NDUFA9: variants seen among roughly 807,000 people sequenced by gnomAD.
NDUFA9 encodes NADH:ubiquinone oxidoreductase subunit A9.
A neutral mutation model predicts 45.9 loss-of-function variants in NDUFA9; 23 were observed. The ratio of observed to expected loss-of-function variants is 0.50; its 90% CI spans 0.36 to 0.71. The LOEUF is 0.71. Ranked by LOEUF, NDUFA9 falls within the 30% of genes least tolerant of loss-of-function variation. The pLI is 0.00. For synonymous variants in NDUFA9, 176 were observed against 170.5 expected, an observed-to-expected ratio of 1.03 and a Z score of -0.25; for missense variants, 466 against 488.2, an observed-to-expected ratio of 0.95 and a Z score of 0.43.
chr12:4,662,406 C>A, intron 5 of NDUFA9, 127 bp from the exon 6 acceptor site: 1 of 699,084 alleles, frequency 1.4e-6, no homozygotes, highest in Non-Finnish European at 2.5e-6. Context: ...TTATGAATTA[C>A]ATGATTACCT....
At position 4,668,509 on chromosome 12, in the gene NDUFA9, T is replaced by G. The variant is rs2072728708; in HGVS notation, c.708T>G (p.Val236=). 6.2e-7 allele frequency: 1 copy of G among 1,612,342 alleles called. No homozygotes were observed. The highest frequency in any genetic ancestry group is 8.5e-7 in the Non-Finnish European group (1 of 1,178,384). Residue 236 remains valine (V), a synonymous_variant, in exon 7 of 11, where the codon GTT becomes GTG. Transcript: ENST00000266544. ...TTGGTTCCTTGGGCTGGAAGACAGT[T>G]AAACAACCAGTATATGTAAGTACTT... is the stretch of plus-strand genomic sequence containing the variant. The part of the protein sequence containing the change: ...IPLGSLGWKT[V]KQPVYVVDVS...
In NDUFA9 at chr12:4,687,744, A is replaced by T. The variant is rs1387986135; in HGVS notation, c.*636A>T. On this transcript the variant is annotated 3_prime_UTR_variant, in exon 11 of 11. Coordinates refer to ENST00000266544, the MANE Select transcript of NDUFA9 (RefSeq NM_005002.5). ...TAGATTCTCTTCACATGCAAAGGAGATGCTTCAGCTTCTATGCCAGCAGTG... is the reference window on the plus strand; with the variant it reads ...TAGATTCTCTTCACATGCAAAGGAGTTGCTTCAGCTTCTATGCCAGCAGTG... 1 of 152,196 alleles carries T rather than the reference A, an allele frequency of 6.6e-6. No individual in the cohort carries two copies. Among genetic ancestry groups the T allele is most frequent in the Non-Finnish European group, 1.5e-5 (1 of 68,046 alleles). 9.4% of individuals were successfully genotyped at this position (152,196 alleles called of 1,614,324 possible).
At chr12:4,663,447 A>G (rs1945835394) in intron 6 of NDUFA9, among the ~76,000 whole-genome samples, 1 of 152,192 alleles carries the variant, frequency 6.6e-6, no homozygotes, top group African/African-American at 2.4e-5. Context: ...TTGAGGTTAA[A>G]TGAGGCCATA....
At chr12:4,663,798 G>A (rs986903045) in intron 6 of NDUFA9, among the ~76,000 whole-genome samples, 3 of 152,180 alleles carry the variant, frequency 2.0e-5, no homozygotes, top group African/African-American at 7.2e-5. Flanking sequence ...ATGTGAACGT[G>A]CCTTTGGAAC....
chr12:4,666,760 T>A (rs1300031318), intron 6 of NDUFA9, among the ~76,000 whole-genome samples: 1 of 152,238 alleles, frequency 6.6e-6, no homozygotes, highest in East Asian at 1.9e-4. Context: ...TACACTGTTT[T>A]GATTACTGTG....
At position 4,689,163 on chromosome 12, in the gene NDUFA9, A is replaced by G. The variant is rs1240402206; in HGVS notation, c.*2055A>G. On this transcript the variant is annotated 3_prime_UTR_variant, in exon 11 of 11. Transcript: ENST00000266544. ...TGTACAGTAGATTAGTATTAACTCT[A>G]GTTACCCTACTGATCTATTGAACAC... is the stretch of plus-strand genomic sequence containing the variant. The G allele has an allele frequency of 2.6e-5, 4 of 152,368 alleles. No homozygotes were observed. The highest frequency in any genetic ancestry group is 9.6e-5 in the African/African-American group (4 of 41,582). The allele number at this position is 152,368 out of a possible 1,614,324, so 9.4% of individuals were successfully genotyped here. A position where few individuals can be genotyped will look rare whatever the true frequency, so the allele number is the denominator to read the frequency against.
chr12:4,655,908 T>C (rs996636645), intron 3 of NDUFA9: 3 of 152,180 alleles, frequency 2.0e-5, no homozygotes, highest in Non-Finnish European at 4.4e-5. Flanking sequence ...GACAGTCTCT[T>C]TCCACAAAGA....
chr12:4,665,471 A>G (rs1945847644), intron 6 of NDUFA9, among the ~76,000 whole-genome samples: 2 of 152,238 alleles, frequency 1.3e-5, no homozygotes, highest in Admixed American at 1.3e-4. Flanking sequence ...CATTTTGTTT[A>G]ATAAGCCATC....
intron 5 of NDUFA9, among the ~76,000 whole-genome samples, chr12:4,660,027 A>C (rs1945814872): frequency 6.6e-6 from 1 of 152,186 alleles, no homozygotes; most frequent in Admixed American, 6.5e-5. Flanking sequence ...GAATTTCATG[A>C]CTGGAAGGGA....
At chr12:4,670,112 A>C (rs565036105) in intron 8 of NDUFA9, among the ~76,000 whole-genome samples, 4 of 152,300 alleles carry the variant, frequency 2.6e-5, no homozygotes, top group South Asian at 4.1e-4. Flanking sequence ...TATTGCTGTA[A>C]ATTCTAAAAC....
chr12:4,651,514 A>C (rs1766888647), intron 1 of NDUFA9, among the ~76,000 whole-genome samples: 1 of 152,174 alleles, frequency 6.6e-6, no homozygotes, highest in African/African-American at 2.4e-5. Context: ...TTATTAAAAA[A>C]AAACAATAGC....
At position 4,654,834 on chromosome 12, in the gene NDUFA9, G is replaced by C; in HGVS notation, c.230G>C (p.Gly77Ala). The C allele has an allele frequency of 6.2e-7, 1 of 1,611,680 alleles. No homozygotes were observed. The highest frequency in any genetic ancestry group is 8.5e-7 in the Non-Finnish European group (1 of 1,178,990). Residue 77 changes from glycine to alanine, a missense_variant, in exon 3 of 11, where the codon GGG (glycine) becomes GCG (alanine). Gly to Ala is a moderately conservative substitution (Grantham distance 60). Transcript: ENST00000266544. The stretch of plus-strand genomic sequence containing the variant: ...ATCCATTCTCTTTTAGGACGCATGG[G>C]GTCACAGGTAATCATACCCTATCGG... ...RYVVNHLGRMGSQVIIPYRCD... is the reference protein window; with the variant it reads ...RYVVNHLGRMASQVIIPYRCD...
chr12:4,661,100 G>A (rs1945820918), intron 5 of NDUFA9, among the ~76,000 whole-genome samples: 1 of 152,182 alleles, frequency 6.6e-6, no homozygotes, highest in South Asian at 2.1e-4. Context: ...GAGTAAATTG[G>A]ACAGGTTCCT....
At chr12:4,678,372 T>C (rs1945933262) in intron 8 of NDUFA9, among the ~76,000 whole-genome samples, 1 of 152,094 alleles carries the variant, frequency 6.6e-6, no homozygotes. Flanking sequence ...ATAGAAAATC[T>C]TCTAGACCTT....
At chr12:4,652,194 A>G (rs968625630) in intron 1 of NDUFA9, among the ~76,000 whole-genome samples, 4 of 152,128 alleles carry the variant, frequency 2.6e-5, no homozygotes, top group Admixed American at 1.3e-4. Context: ...ATCTGTGGCC[A>G]GTTCCTTCAC....
Position 4,654,379 on chromosome 12 carries a change from G to A in NDUFA9, c.137G>A (p.Gly46Asp), listed in dbSNP as rs769488091. 13 of 1,614,184 alleles carry A rather than the reference G, an allele frequency of 8.1e-6. No homozygotes were observed. Among genetic ancestry groups the A allele is most frequent in the Non-Finnish European group, 1.1e-5 (13 of 1,180,016 alleles). ...LHHALMPHGK[G>D]GRSSVSGIVA... ...CATGCCCTCATGCCTCATGGGAAAG[G>A]TGGACGTTCCTCAGTCAGTGGGATT... The change falls in exon 2 of 11, where the codon GGT (glycine) becomes GAT (aspartate). Residue 46 changes from glycine to aspartate, a missense_variant. Coordinates refer to ENST00000266544, the MANE Select transcript of NDUFA9 (RefSeq NM_005002.5).
At chr12:4,677,171 AAC>A (rs1204246197) in intron 8 of NDUFA9, among the ~76,000 whole-genome samples, 9 of 152,254 alleles carry the variant, frequency 5.9e-5, no homozygotes, top group Non-Finnish European at 1.2e-4. Context: ...TAAAGACTTA[AAC>A]GTAAGACCTA....
At position 4,659,104 on chromosome 12, in the gene NDUFA9, G is replaced by C; in HGVS notation, c.479G>C (p.Gly160Ala). 1 of 1,612,166 alleles carries C rather than the reference G, an allele frequency of 6.2e-7. No individual in the cohort carries two copies. Among genetic ancestry groups the C allele is most frequent in the Non-Finnish European group, 8.5e-7 (1 of 1,178,326 alleles). The change falls in exon 5 of 11, where the codon GGA becomes GCA. Residue 160 changes from glycine (G) to alanine (A), a missense_variant. By Grantham distance (60) the Gly-to-Ala change is moderately conservative. Transcript: ENST00000266544. ...ATTGCTCAACTGTCCAAGGAAGCTG[G>C]AGTTGAAAAATTCATTCATGTTTCA... ...QAIAQLSKEA[G>A]VEKFIHVSHL...
intron 1 of NDUFA9, among the ~76,000 whole-genome samples, chr12:4,654,032 A>G (rs1226527058): frequency 6.6e-6 from 1 of 151,932 alleles, no homozygotes; most frequent in Non-Finnish European, 1.5e-5. Flanking sequence ...CTACTTTGTG[A>G]CTGTTTAATA....
Sources: gnomAD v4.1 joint callset for allele counts (sites outside exome capture counted in the v4.1 genomes callset) on GRCh38, gnomAD v4.1.1 for gene constraint, MANE v1.5 for transcripts, NCBI Gene and HGNC (gene_info 2026-07-23, HGNC 2026-07-21) for gene names.